The following PDE8B variants were observed in gnomAD, a reference collection of about 807,000 sequenced individuals.
PDE8B encodes phosphodiesterase 8B.
In PDE8B, 26 loss-of-function variants were observed where a neutral mutation model predicts 101.3. That is an observed-to-expected ratio of 0.26 (90% CI 0.19 to 0.36). The LOEUF is 0.36. Ranked by LOEUF, PDE8B falls within the 10% of genes least tolerant of loss-of-function variation. PDE8B has a pLI of 1.00. For missense variants in PDE8B, 810 were observed against 1,163.1 expected, an observed-to-expected ratio of 0.70 and a Z score of 4.42; for synonymous variants, 424 against 429.3, an observed-to-expected ratio of 0.99 and a Z score of 0.15.
the PDE8B span, among the ~76,000 whole-genome samples, chr5:77,191,695 C>G: frequency 6.6e-6 from 1 of 152,174 alleles, no homozygotes; most frequent in Non-Finnish European, 1.5e-5. Context: ...ACCTTTTTGG[C>G]ACCAGGGACC....
the PDE8B span, among the ~76,000 whole-genome samples, chr5:77,198,975 G>A: frequency 1.8e-4 from 28 of 152,014 alleles, no homozygotes; most frequent in African/African-American, 5.5e-4. Context: ...TGTCTTATTC[G>A]TCTTTTCCCA....
intron 1 of PDE8B, among the ~76,000 whole-genome samples, chr5:77,223,813 C>T (rs1187308326): frequency 6.6e-6 from 1 of 152,212 alleles, no homozygotes; most frequent in Non-Finnish European, 1.5e-5. Flanking sequence ...GCAGTGGCCC[C>T]TGCTAAGTGG....
At chr5:77,116,459 C>G in the PDE8B span, among the ~76,000 whole-genome samples, 8 of 152,064 alleles carry the variant, frequency 5.3e-5, no homozygotes, top group East Asian at 9.7e-4. Flanking sequence ...CCAGTCTGGT[C>G]TTGAACTCCT....
rs56186633 is a variant in PDE8B, at chr5:77,288,502, T to A, written c.340-23492T>A. ...TTCTCTAGTTATTCTTATTGGAGAG[T>A]CGGCCCAAGAAAAGTAAGGTTCAGA... On this transcript the variant is annotated intron_variant, in intron 1 of 21. Transcript: ENST00000264917. Among the ~76,000 whole-genome samples, 876 of 152,182 alleles carry A rather than the reference T, an allele frequency of 5.8e-3. 12 individuals carry two copies. Among genetic ancestry groups the A allele is most frequent in the African/African-American group, 0.02 (835 of 41,492 alleles).
chr5:77,210,439 G>GGAGGGTGGGAGC (rs1236428347), upstream of PDE8B: 10 of 186,766 alleles, frequency 5.4e-5, no homozygotes, highest in Non-Finnish European at 1.0e-4. The surrounding 1 kb of genome is among the most constrained non-coding windows in gnomAD (Gnocchi z 4.9). Context: ...TGAGGAGGAA[G>GGAGGGTGGGAGC]GAGGGTGGGA....
chr5:77,133,267 A>T, the PDE8B span, among the ~76,000 whole-genome samples: 2 of 152,186 alleles, frequency 1.3e-5, no homozygotes, highest in East Asian at 3.9e-4. Flanking sequence ...TAGAAGGAGG[A>T]TGAGTAACAC....
the PDE8B span, among the ~76,000 whole-genome samples, chr5:77,189,772 G>A: frequency 2.0e-5 from 3 of 152,136 alleles, no homozygotes; most frequent in Non-Finnish European, 2.9e-5. Context: ...AGGTCAGATG[G>A]GAAGTGGGGG....
chr5:77,294,258 G>A (rs1053053251), intron 1 of PDE8B, among the ~76,000 whole-genome samples: 5 of 152,154 alleles, frequency 3.3e-5, no homozygotes, highest in African/African-American at 9.7e-5. Flanking sequence ...ACCACTGACC[G>A]TAACAAGGAA....
the PDE8B span, among the ~76,000 whole-genome samples, chr5:77,121,541 T>C: frequency 6.8e-6 from 1 of 148,142 alleles, no homozygotes; most frequent in Non-Finnish European, 1.5e-5. Context: ...AGAGTCTCGC[T>C]CTGTTGCCCA....
the PDE8B span, among the ~76,000 whole-genome samples, chr5:77,109,162 C>T: frequency 3.9e-5 from 6 of 152,366 alleles, no homozygotes; most frequent in South Asian, 6.2e-4. Context: ...TATCAGAAAA[C>T]CCTGCACTGA....
the PDE8B span, among the ~76,000 whole-genome samples, chr5:77,123,538 G>T: frequency 1.3e-5 from 2 of 151,856 alleles, no homozygotes; most frequent in Admixed American, 6.6e-5. Context: ...TGGGTAGATC[G>T]CTTGAGCCCA....
rs190721498 is a variant in PDE8B at position 77,398,467 on chromosome 5, C to T, written c.1168-1781C>T. On this transcript the variant is annotated intron_variant, in intron 10 of 21. Coordinates refer to ENST00000264917, the MANE Select transcript of PDE8B (RefSeq NM_003719.5). ...CTCCTGAGTAAGCTGGGACTACAGG[C>T]GCCCGCCACCCCACCCAGCTAATAT... is the stretch of plus-strand genomic sequence containing the variant. Among the ~76,000 whole-genome samples the T allele has an allele frequency of 2.9e-4, 44 of 152,030 alleles. No homozygotes were observed. In the East Asian group the frequency reaches 6.8e-3, roughly 24 times the overall value.
At chr5:77,422,044 A>T in intron 20 of PDE8B, 56 bp downstream of exon 20, 3 of 1,540,066 alleles carry the variant, frequency 1.9e-6, no homozygotes, top group Non-Finnish European at 2.7e-6. Flanking sequence ...GAACTAGGTC[A>T]TGGAACTCCT....
intron 16 of PDE8B, 108 bp from the exon 17 acceptor site, chr5:77,413,003 T>A (rs770482013): frequency 2.2e-6 from 2 of 890,372 alleles, no homozygotes; most frequent in Non-Finnish European, 3.8e-6. Context: ...CCTGTGTGTG[T>A]GAAGCTATCA....
intron 10 of PDE8B, among the ~76,000 whole-genome samples, chr5:77,392,657 G>T (rs575519132): frequency 6.6e-6 from 1 of 152,282 alleles, no homozygotes; most frequent in East Asian, 1.9e-4. Flanking sequence ...AGATGGAGTT[G>T]CTTTGGCCTC....
chr5:77,394,716 A>C (rs763865555), intron 10 of PDE8B, among the ~76,000 whole-genome samples: 6 of 152,234 alleles, frequency 3.9e-5, no homozygotes, highest in Non-Finnish European at 7.3e-5. Context: ...ACTATTTCAC[A>C]TAAAGACTAT....
At position 77,423,632 on chromosome 5, in the gene PDE8B, G is replaced by GTTTTTTTTTTTTTTTTTTTTTTTTTTTTT. The variant is rs71594634; in HGVS notation, c.2418+1671_2418+1672insTTTTTTTTTTTTTTTTTTTTTTTTTTTTT. The stretch of plus-strand genomic sequence containing the variant: ...TGATGCTGGACTTTTGTTTTGTTTA[G>GTTTTTTTTTTTTTTTTTTTTTTTTTTTTT]TTTTTTTTTTTTTTTTTTTTTTTTT... On this transcript the variant is annotated intron_variant, in intron 20 of 21. Transcript: ENST00000264917. 3.8e-4 allele frequency among the ~76,000 whole-genome samples: 28 copies of GTTTTTTTTTTTTTTTTTTTTTTTTTTTTT among 74,038 alleles called. 4 individuals are homozygous for GTTTTTTTTTTTTTTTTTTTTTTTTTTTTT. The highest frequency in any genetic ancestry group is 4.4e-4 in the Non-Finnish European group (17 of 38,402). 48.6% of individuals were successfully genotyped at this position (74,038 alleles called of 152,430 possible).
intron 1 of PDE8B, among the ~76,000 whole-genome samples, chr5:77,247,116 T>C (rs150580491): frequency 6.6e-6 from 1 of 152,352 alleles, no homozygotes; most frequent in Non-Finnish European, 1.5e-5. Flanking sequence ...CTAGGCTTCA[T>C]ACAACAGGGC....
intron 15 of PDE8B, 121 bp downstream of exon 15, chr5:77,411,842 A>G: frequency 1.2e-6 from 1 of 821,770 alleles, no homozygotes. Context: ...TTTAAGCATC[A>G]ATATGGTCTA....
Sources: allele counts gnomAD v4.1 joint callset (sites outside exome capture counted in the v4.1 genomes callset), GRCh38; gene constraint gnomAD v4.1.1; non-coding constraint Gnocchi (gnomAD v3.1); transcripts MANE v1.5; gene names NCBI Gene and HGNC (gene_info 2026-07-23, HGNC 2026-07-21).